DPP6: variants seen among roughly 807,000 people sequenced by gnomAD.
The protein encoded by DPP6 is A-type potassium channel modulatory protein DPP6.
A neutral mutation model predicts 122.6 loss-of-function variants in DPP6; 69 were observed. The ratio of observed to expected loss-of-function variants is 0.56; its 90% confidence interval spans 0.46 to 0.69. The LOEUF (loss-of-function observed/expected upper bound fraction) is 0.69. DPP6 is among the 30% of genes least tolerant of loss of function. The pLI, the probability that DPP6 is intolerant of heterozygous loss-of-function variation, is 0.00. For missense variants in DPP6, 928 were observed against 1,116.9 expected (o/e 0.83, Z 2.41); for synonymous variants, 418 against 433.1 (o/e 0.97, Z 0.43).
intron 1 of DPP6, among the ~76,000 whole-genome samples, chr7:154,266,779 AC>A (rs1803449413): frequency 6.6e-6 from 1 of 152,194 alleles, no homozygotes; most frequent in African/African-American, 2.4e-5. Flanking sequence ...CCCTGGGGGT[AC>A]CCAGCACCTT....
chr7:154,396,228 G>A (rs1039315299), intron 1 of DPP6, among the ~76,000 whole-genome samples: 2 of 152,066 alleles, frequency 1.3e-5, no homozygotes, highest in Admixed American at 6.6e-5. Flanking sequence ...ATACCTCCTA[G>A]GTAGGTACTG....
the DPP6 span, among the ~76,000 whole-genome samples, chr7:153,776,946 GAC>G: frequency 6.6e-6 from 1 of 152,218 alleles, no homozygotes; most frequent in Non-Finnish European, 1.5e-5. Context: ...AGAATACAAA[GAC>G]AGCCATAGGC....
chr7:153,835,397 GAAAA>G, the DPP6 span, among the ~76,000 whole-genome samples: 1 of 142,186 alleles, frequency 7.0e-6, no homozygotes, highest in Non-Finnish European at 1.5e-5. Flanking sequence ...TGACTGTGTG[GAAAA>G]AAAAAAAAGG....
chr7:153,950,258 A>C (rs1802146548), intron 1 of DPP6, among the ~76,000 whole-genome samples: 1 of 152,118 alleles, frequency 6.6e-6, no homozygotes, highest in Non-Finnish European at 1.5e-5. Flanking sequence ...TGTCAGGTAG[A>C]CATGGTAGGA....
the DPP6 span, among the ~76,000 whole-genome samples, chr7:153,818,047 A>C: frequency 1.3e-5 from 2 of 152,084 alleles, no homozygotes; most frequent in African/African-American, 4.8e-5. Context: ...AATACCTAAA[A>C]TATACTACAA....
chr7:154,052,813 G>C lies in DPP6; in HGVS notation c.-8G>C, dbSNP rs750401983. 7.9e-6 allele frequency: 12 copies of C among 1,519,926 alleles called. No homozygotes were observed. Among genetic ancestry groups the C allele is most frequent in the Non-Finnish European group, 1.1e-5 (12 of 1,132,504 alleles). The allele number at this position is 1,519,926 out of a possible 1,614,324, so 94.2% of individuals were successfully genotyped here. A position where few individuals can be genotyped will look rare whatever the true frequency, so the allele number is the denominator to read the frequency against. ...CCCCAAAGACAGCCAGCAGGAGCGCGGTGCCCGATGGCTTCGCTGTACCAG... is the reference window on the plus strand; with the variant it reads ...CCCCAAAGACAGCCAGCAGGAGCGCCGTGCCCGATGGCTTCGCTGTACCAG... On this transcript the variant is annotated 5_prime_UTR_variant, in exon 1 of 26. Transcript: ENST00000377770. This position sits in a 1 kb window ranked among gnomAD's most constrained non-coding sequence, Gnocchi z 4.8.
intron 1 of DPP6, among the ~76,000 whole-genome samples, chr7:154,101,534 A>G (rs1805723044): frequency 6.6e-6 from 1 of 151,906 alleles, no homozygotes; most frequent in Non-Finnish European, 1.5e-5. Flanking sequence ...CTTATCAGAA[A>G]AGGGGTGATC....
chr7:153,757,981 A>T, the DPP6 span, among the ~76,000 whole-genome samples: 1 of 152,192 alleles, frequency 6.6e-6, no homozygotes, highest in Non-Finnish European at 1.5e-5. Flanking sequence ...GAAGAAAGAA[A>T]GAACCATAGG....
intron 1 of DPP6, among the ~76,000 whole-genome samples, chr7:154,255,823 TTGTC>T (rs1376833710): frequency 6.6e-6 from 1 of 152,176 alleles, no homozygotes; most frequent in Non-Finnish European, 1.5e-5. Context: ...ATAGGAAAAA[TTGTC>T]TGTCAAATAA....
chr7:153,877,936 C>A, the DPP6 span, among the ~76,000 whole-genome samples: 1 of 152,040 alleles, frequency 6.6e-6, no homozygotes, highest in South Asian at 2.1e-4. Flanking sequence ...CTGGACACTA[C>A]AAATGACAAA....
At chr7:154,167,841 T>A (rs1052905442) in intron 1 of DPP6, among the ~76,000 whole-genome samples, 26 of 152,362 alleles carry the variant, frequency 1.7e-4, no homozygotes, top group African/African-American at 5.3e-4. Flanking sequence ...TGATTTCCTT[T>A]AATCCCTACA....
chr7:154,419,152 A>G (rs1817254148), intron 1 of DPP6, among the ~76,000 whole-genome samples: 1 of 152,238 alleles, frequency 6.6e-6, no homozygotes, highest in African/African-American at 2.4e-5. Flanking sequence ...TCATTTTAGT[A>G]TTAAAGGCAA....
intron 5 of DPP6, among the ~76,000 whole-genome samples, chr7:154,631,585 T>G (rs545162918): frequency 6.6e-6 from 1 of 151,900 alleles, no homozygotes. Context: ...GAGAATCACT[T>G]GAGCATGGGA....
intron 7 of DPP6, among the ~76,000 whole-genome samples, chr7:154,693,306 C>T (rs1203042366): frequency 3.9e-5 from 6 of 152,136 alleles, no homozygotes; most frequent in Non-Finnish European, 8.8e-5. Context: ...ATGAGGCTTC[C>T]GTTAAGTCTC....
chr7:154,539,556 C>A (rs1828545815), intron 3 of DPP6, among the ~76,000 whole-genome samples: 1 of 151,392 alleles, frequency 6.6e-6, no homozygotes, highest in Non-Finnish European at 1.5e-5. Context: ...GGGTGCAGCA[C>A]ACCAACATGG....
chr7:154,437,076 C>T (rs879295382), intron 1 of DPP6, among the ~76,000 whole-genome samples: 21 of 152,244 alleles, frequency 1.4e-4, no homozygotes, highest in Admixed American at 9.8e-4. Flanking sequence ...TGAAGATGTC[C>T]GTATCCCATT....
chr7:154,149,309 C>T (rs541902284), intron 1 of DPP6, among the ~76,000 whole-genome samples: 1 of 152,390 alleles, frequency 6.6e-6, no homozygotes, highest in South Asian at 2.1e-4. Context: ...GGATGCTTGG[C>T]TCTGGGCCTG....
chr7:154,353,781 AT>A (rs1389446156), intron 1 of DPP6, among the ~76,000 whole-genome samples: 1 of 152,210 alleles, frequency 6.6e-6, no homozygotes, highest in Non-Finnish European at 1.5e-5. Flanking sequence ...AAGCTGGAGG[AT>A]ACTAGCTTTA....
intron 1 of DPP6, among the ~76,000 whole-genome samples, chr7:154,221,572 G>T (rs1450981191): frequency 1.3e-5 from 2 of 152,194 alleles, no homozygotes; most frequent in Non-Finnish European, 2.9e-5. Context: ...TCTGTTAAGT[G>T]CAGCCTATTC....
Sources: gnomAD v4.1 joint callset for allele counts (sites outside exome capture counted in the v4.1 genomes callset) on GRCh38, gnomAD v4.1.1 for gene constraint, Gnocchi (gnomAD v3.1) non-coding constraint, MANE v1.5 for transcripts, NCBI Gene and HGNC (gene_info 2026-07-23, HGNC 2026-07-21) for gene names.